Variants in PEX5L observed in about 807,000 individuals in gnomAD.
PEX5L encodes the protein peroxisomal biogenesis factor 5 like, also known as PEX5-related protein.
Under a neutral mutation model 84.0 loss-of-function variants are expected in PEX5L, and 30 were observed. The ratio of observed to expected loss-of-function variants is 0.36; its 90% confidence interval spans 0.27 to 0.48. The LOEUF (loss-of-function observed/expected upper bound fraction) is 0.48. Among genes scored for constraint, PEX5L ranks in the 20% least tolerant of loss-of-function variants. PEX5L has a pLI of 0.99. For missense variants in PEX5L, 533 were observed against 754.6 expected (o/e 0.71, Z 3.44); for synonymous variants, 270 against 283.1 (o/e 0.95, Z 0.46).
At chr3:179,852,513 A>G (rs1742317953) in intron 8 of PEX5L, among the ~76,000 whole-genome samples, 1 of 152,242 alleles carries the variant, frequency 6.6e-6, no homozygotes, top group Non-Finnish European at 1.5e-5. Flanking sequence ...ATTTGTGGAC[A>G]TGTTAAACTA....
intron 8 of PEX5L, among the ~76,000 whole-genome samples, chr3:179,835,999 G>T (rs1246772618): frequency 6.6e-6 from 1 of 152,146 alleles, no homozygotes; most frequent in Admixed American, 6.6e-5. Flanking sequence ...CAAGTTCATT[G>T]TAGGCAAATT....
intron 8 of PEX5L, 49 bp from the exon 9 acceptor site, chr3:179,820,025 T>A (rs752430434): frequency 6.2e-7 from 1 of 1,611,602 alleles, no homozygotes; most frequent in Non-Finnish European, 8.5e-7. Context: ...ACATGCCACA[T>A]CATCTGTGTT....
At chr3:180,004,881 A>G (rs1331274712) in intron 1 of PEX5L, among the ~76,000 whole-genome samples, 1 of 152,134 alleles carries the variant, frequency 6.6e-6, no homozygotes, top group Non-Finnish European at 1.5e-5. Flanking sequence ...TGTGAAATGC[A>G]TACTAGAATT....
intron 2 of PEX5L, among the ~76,000 whole-genome samples, chr3:179,919,376 T>C (rs947674649): frequency 2.0e-5 from 3 of 152,208 alleles, no homozygotes; most frequent in Non-Finnish European, 2.9e-5. Flanking sequence ...AAATCACTTT[T>C]AGGCTTGTGA....
rs1180962771 is a variant in PEX5L at position 179,815,877 on chromosome 3, T to A, written c.1067A>T (p.Asp356Val). ...GAATGACACCTCTGCATCTCCAGGG[T>A]CCTGAAGAATTGCTGCTTCCATGAA... ...ILFMEAAILQ[D>V]PGDAEAWQFL... The change falls in exon 10 of 15, where the codon GAC (aspartate) becomes GTC (valine). Residue 356 changes from aspartate (D) to valine (V), a missense_variant. Asp to Val is a radical substitution (Grantham distance 152). Transcript: ENST00000467460. 1 of 1,613,988 alleles carries A rather than the reference T, an allele frequency of 6.2e-7. No individual in the cohort carries two copies. Among genetic ancestry groups the A allele is most frequent in the East Asian group, 2.2e-5 (1 of 44,880 alleles).
intron 2 of PEX5L, among the ~76,000 whole-genome samples, chr3:179,925,902 T>C (rs1771307347): frequency 6.6e-6 from 1 of 152,186 alleles, no homozygotes; most frequent in Non-Finnish European, 1.5e-5. Context: ...AGGTTTCTGA[T>C]GGACCATATT....
chr3:179,872,196 T>C (rs1414002249), intron 7 of PEX5L, among the ~76,000 whole-genome samples: 1 of 152,228 alleles, frequency 6.6e-6, no homozygotes, highest in East Asian at 1.9e-4. Flanking sequence ...ATTTTTCTTT[T>C]AACATCTTTT....
In PEX5L at chr3:179,888,660, G is replaced by T. The variant is rs1349511923; in HGVS notation, c.199-876C>A. ...TAAATTAACTGTTTTTTTTGGGGGG[G>T]GTGGGGGAGCTTTTATATTTGCCTT... is the stretch of plus-strand genomic sequence containing the variant. On this transcript the variant is annotated intron_variant, in intron 3 of 14. Coordinates refer to ENST00000467460, the MANE Select transcript of PEX5L (RefSeq NM_016559.3). Among the ~76,000 whole-genome samples, 4 of 150,546 alleles carry T rather than the reference G, an allele frequency of 2.7e-5. 1 individual carries two copies. Among genetic ancestry groups the T allele is most frequent in the Non-Finnish European group, 5.9e-5 (4 of 67,652 alleles).
At chr3:179,881,719 A>T (rs1754213126) in intron 4 of PEX5L, 1 of 152,230 alleles carries the variant, frequency 6.6e-6, no homozygotes, top group Non-Finnish European at 1.5e-5. Context: ...TGACAGAAAG[A>T]GAAAATGCTA....
chr3:179,980,183 TCAAC>T (rs1786192018), intron 1 of PEX5L, among the ~76,000 whole-genome samples: 1 of 152,212 alleles, frequency 6.6e-6, no homozygotes. Flanking sequence ...CTGACAAGAA[TCAAC>T]CCAAAGTTTG....
At chr3:179,838,385 A>G (rs1735795063) in intron 8 of PEX5L, among the ~76,000 whole-genome samples, 2 of 152,218 alleles carry the variant, frequency 1.3e-5, no homozygotes, top group Non-Finnish European at 1.5e-5. Flanking sequence ...AAACACAAAC[A>G]TTCAATTTCA....
At chr3:179,975,511 T>G (rs1785664098) in intron 1 of PEX5L, among the ~76,000 whole-genome samples, 2 of 152,214 alleles carry the variant, frequency 1.3e-5, no homozygotes, top group Admixed American at 1.3e-4. Flanking sequence ...CTGCAATTTT[T>G]GCCTAACTAC....
At chr3:179,804,610 T>G (rs1577089600) in intron 14 of PEX5L, among the ~76,000 whole-genome samples, 1 of 152,268 alleles carries the variant, frequency 6.6e-6, no homozygotes, top group African/African-American at 2.4e-5. Context: ...CTTTGACTCT[T>G]TATGGAAAAT....
intron 2 of PEX5L, among the ~76,000 whole-genome samples, chr3:179,925,840 A>AC (rs1481472185): frequency 3.3e-5 from 5 of 152,178 alleles, no homozygotes; most frequent in Non-Finnish European, 7.3e-5. Flanking sequence ...TACTTAATAT[A>AC]CCACAACATA....
chr3:179,987,834 T>C (rs1267402846), intron 1 of PEX5L, among the ~76,000 whole-genome samples: 2 of 152,150 alleles, frequency 1.3e-5, no homozygotes, highest in Non-Finnish European at 2.9e-5. Flanking sequence ...ATGTAAAATA[T>C]TAAGGATACA....
Position 179,922,705 on chromosome 3 carries a change from C to T in PEX5L, c.94-24459G>A, listed in dbSNP as rs547031832. Among the ~76,000 whole-genome samples, 22 of 151,960 alleles carry T rather than the reference C, an allele frequency of 1.4e-4. No homozygotes were observed. In the East Asian group the frequency reaches 4.3e-3, roughly 30 times the overall value. On this transcript the variant is annotated intron_variant, in intron 2 of 14. Coordinates refer to ENST00000467460, the MANE Select transcript of PEX5L (RefSeq NM_016559.3). ...CTGGTCTCAAGTGATCTGCCCACTT[C>T]GGCCTCCCAAAGTGCTGGGATTACA...
At chr3:179,860,209 C>A (rs1745537719) in intron 7 of PEX5L, among the ~76,000 whole-genome samples, 1 of 152,156 alleles carries the variant, frequency 6.6e-6, no homozygotes, top group Non-Finnish European at 1.5e-5. Context: ...ACTCCCCATG[C>A]CCAGCACAGG....
chr3:179,835,561 T>C (rs1350074903), intron 8 of PEX5L, among the ~76,000 whole-genome samples: 1 of 152,218 alleles, frequency 6.6e-6, no homozygotes, highest in East Asian at 1.9e-4. Context: ...TTTAAAAGTA[T>C]ATTTAGAATC....
At chr3:180,010,246 C>CTTTT (rs1178375452) in intron 1 of PEX5L, among the ~76,000 whole-genome samples, 3,074 of 104,978 alleles carry the variant, frequency 0.029, 509 homozygotes, top group African/African-American at 0.12. Context: ...CACCCGGCCT[C>CTTTT]TTTTTTTTTT....
Sources: gnomAD v4.1 joint callset for allele counts (sites outside exome capture counted in the v4.1 genomes callset) on GRCh38, gnomAD v4.1.1 for gene constraint, MANE v1.5 for transcripts, NCBI Gene and HGNC (gene_info 2026-07-23, HGNC 2026-07-21) for gene names.